The following ADARB1 variants were observed in gnomAD, a reference collection of about 807,000 sequenced individuals.
ADARB1 encodes adenosine deaminase RNA specific B1.
ADARB1 carries 10 observed loss-of-function variants against 52.4 expected under a neutral mutation model. The ratio of observed to expected loss-of-function variants is 0.19; its 90% CI spans 0.12 to 0.32. The LOEUF is 0.32. Among genes scored for constraint, ADARB1 ranks in the 10% least tolerant of loss-of-function variants. The probability of loss-of-function intolerance (pLI) is 1.00; values close to 1 mark genes in which losing one functional copy is unlikely to be tolerated. For missense variants in ADARB1, 643 were observed against 922.3 expected (o/e 0.70, Z 3.92); for synonymous variants, 349 against 371.1 (o/e 0.94, Z 0.68).
In ADARB1 at chr21:45,225,806, C is replaced by T; in HGVS notation, c.*3609C>T. On this transcript the variant is annotated 3_prime_UTR_variant, in exon 11 of 11. Transcript: ENST00000348831. Reference sequence around the variant, plus strand: ...TGCTCAAAAGATTCCTTTTTATCATCCCCACGCTGTGTAAGTGGAAAGGGC... The same window carrying T: ...TGCTCAAAAGATTCCTTTTTATCATTCCCACGCTGTGTAAGTGGAAAGGGC... 2.6e-6 allele frequency: 1 copy of T among 382,896 alleles called. No individual in the cohort carries two copies. The highest frequency in any genetic ancestry group is 4.6e-6 in the Non-Finnish European group (1 of 216,718). The allele number at this position is 382,896 out of a possible 1,614,324, so 23.7% of individuals were successfully genotyped here.
At chr21:45,124,769 GT>G (rs1413381633) in intron 1 of ADARB1, among the ~76,000 whole-genome samples, 2,741 of 148,250 alleles carry the variant, frequency 0.018, 94 homozygotes, top group African/African-American at 0.065. Context: ...TTTAAATGGT[GT>G]GTGTGTGTGT....
intron 5 of ADARB1, among the ~76,000 whole-genome samples, chr21:45,182,347 G>A (rs2091959384): frequency 6.6e-6 from 1 of 152,196 alleles, no homozygotes; most frequent in South Asian, 2.1e-4. Context: ...ACTAAGCAAT[G>A]ACGATGGTTG....
chr21:45,223,451 A>G lies in ADARB1; in HGVS notation c.*1254A>G. The G allele has an allele frequency of 1.0e-6, 1 of 985,602 alleles. No homozygotes were observed. Among genetic ancestry groups the G allele is most frequent in the Non-Finnish European group, 1.2e-6 (1 of 830,120 alleles). The allele number at this position is 985,602 out of a possible 1,614,324, so 61.1% of individuals were successfully genotyped here. ...GGCGGGCGAGGGCCCTGTGTGGACC[A>G]CCTCCACCAAGCTCAGAGATTTGCA... On this transcript the variant is annotated 3_prime_UTR_variant, in exon 11 of 11. Transcript: ENST00000348831.
At position 45,176,335 on chromosome 21, in the gene ADARB1, C is replaced by T; in HGVS notation, c.634C>T (p.Pro212Ser). Residue 212 changes from proline (P) to serine (S), a missense_variant, in exon 4 of 11, where the codon CCG becomes TCG. Physicochemically the swap from Pro to Ser is moderately conservative, Grantham distance 74. Coordinates refer to ENST00000348831, the MANE Select transcript of ADARB1 (RefSeq NM_001112.4). The surrounding 1 kb of genome is among the most constrained non-coding windows in gnomAD (Gnocchi z 5.8). ...SSGDLSLSAS[P>S]VPASLAQPPL... Reference sequence around the variant, plus strand: ...CGGGGACCTCAGCTTGTCTGCTTCCCCGGTGCCTGCCAGCCTAGCCCAGCC... The same window carrying T: ...CGGGGACCTCAGCTTGTCTGCTTCCTCGGTGCCTGCCAGCCTAGCCCAGCC... The T allele has an allele frequency of 6.2e-7, 1 of 1,614,076 alleles. No individual in the cohort carries two copies. The highest frequency in any genetic ancestry group is 8.5e-7 in the Non-Finnish European group (1 of 1,179,950).
At chr21:45,177,492 A>C (rs960969217) in intron 4 of ADARB1, 1 of 152,164 alleles carries the variant, frequency 6.6e-6, no homozygotes, top group Non-Finnish European at 1.5e-5. Context: ...GGAGAAAATC[A>C]CCTTTAGTTC....
chr21:45,183,131 G>A (rs1487166168), intron 6 of ADARB1, among the ~76,000 whole-genome samples: 13 of 152,104 alleles, frequency 8.5e-5, no homozygotes, highest in Non-Finnish European at 4.4e-5. Flanking sequence ...TTTGTATGTG[G>A]TCTTTCTGTT....
At chr21:45,216,230 G>A (rs7276288) in intron 9 of ADARB1, among the ~76,000 whole-genome samples, 8,276 of 151,984 alleles carry the variant, frequency 0.054, 270 homozygotes, top group African/African-American at 0.079. Flanking sequence ...CTAGCTGGAA[G>A]TTTTTCAATT....
In ADARB1 at chr21:45,143,312, C is replaced by T. The variant is rs190292347; in HGVS notation, c.-48+14739C>T. On this transcript the variant is annotated intron_variant, in intron 2 of 10. Transcript: ENST00000348831. ...TCTTCTCTCAGGCATCTATAGACCT[C>T]CACAACTTAAGACATCCAAATTCTC... 3.8e-4 allele frequency among the ~76,000 whole-genome samples: 58 copies of T among 152,330 alleles called. No homozygotes were observed. In the Middle Eastern group the frequency reaches 0.014, roughly 36 times the overall value.
At chr21:45,216,035 T>G (rs2092856068) in intron 9 of ADARB1, among the ~76,000 whole-genome samples, 1 of 152,200 alleles carries the variant, frequency 6.6e-6, no homozygotes, top group East Asian at 1.9e-4. Flanking sequence ...TTTTATCTTT[T>G]TTCTTGAGTA....
intron 1 of ADARB1, among the ~76,000 whole-genome samples, chr21:45,105,398 G>T (rs1212935470): frequency 6.6e-6 from 1 of 152,094 alleles, no homozygotes; most frequent in Non-Finnish European, 1.5e-5. Flanking sequence ...CACTGCACCC[G>T]GCCTGCTTCT....
chr21:45,199,727 C>T (rs1169271898), intron 8 of ADARB1, among the ~76,000 whole-genome samples: 1 of 152,206 alleles, frequency 6.6e-6, no homozygotes, highest in Non-Finnish European at 1.5e-5. Context: ...CTATAACCCA[C>T]ATATTTGGAA....
chr21:45,144,783 C>G, intron 2 of ADARB1: 1 of 352,250 alleles, frequency 2.8e-6, no homozygotes, highest in Non-Finnish European at 5.7e-6. Flanking sequence ...TTTCCACTTG[C>G]TGGCACACAG....
chr21:45,133,935 C>T (rs1159209899), intron 2 of ADARB1, among the ~76,000 whole-genome samples: 5 of 75,804 alleles, frequency 6.6e-5, no homozygotes, highest in East Asian at 4.3e-4. Context: ...GTGCGCCCGA[C>T]GGGGGTGTGT....
chr21:45,176,380 C>G lies in ADARB1; in HGVS notation c.679C>G (p.Pro227Ala). 1 of 1,614,204 alleles carries G rather than the reference C, an allele frequency of 6.2e-7. No homozygotes were observed. Among genetic ancestry groups the G allele is most frequent in the Non-Finnish European group, 8.5e-7 (1 of 1,180,028 alleles). Residue 227 changes from proline to alanine, a missense_variant, in exon 4 of 11, where the codon CCA becomes GCA. Physicochemically the swap from Pro to Ala is conservative, Grantham distance 27. Transcript: ENST00000348831. This position sits in a 1 kb window ranked among gnomAD's most constrained non-coding sequence, Gnocchi z 5.8. ...CCAGCCTCCTCTCCCTGTCTTACCA[C>G]CATTCCCACCCCCGAGTGGGAAGAA... ...LAQPPLPVLP[P>A]FPPPSGKNPV...
chr21:45,155,189 C>T (rs947433024), intron 2 of ADARB1, among the ~76,000 whole-genome samples: 2 of 152,198 alleles, frequency 1.3e-5, no homozygotes, highest in Admixed American at 6.5e-5. Context: ...CTGGGCTCCC[C>T]CATGTTTCCA....
In ADARB1 at chr21:45,155,314, C is replaced by T. The variant is rs915390803; in HGVS notation, c.-47-16296C>T. 4.6e-5 allele frequency among the ~76,000 whole-genome samples: 7 copies of T among 152,224 alleles called. No homozygotes were observed. The East Asian group carries it at 1.4e-3, about 29-fold the overall frequency. Reference sequence around the variant, plus strand: ...AAGCCCTGGAACTCCTGACCTTCACCCTTCACAGAGTGAGCAGAGCCAGTT... The same window carrying T: ...AAGCCCTGGAACTCCTGACCTTCACTCTTCACAGAGTGAGCAGAGCCAGTT... On this transcript the variant is annotated intron_variant, in intron 2 of 10. Coordinates refer to ENST00000348831, the MANE Select transcript of ADARB1 (RefSeq NM_001112.4).
At chr21:45,216,019 A>T (rs567494861) in intron 9 of ADARB1, among the ~76,000 whole-genome samples, 1 of 152,242 alleles carries the variant, frequency 6.6e-6, no homozygotes, top group South Asian at 2.1e-4. Flanking sequence ...TATTCATGTT[A>T]TCTGTTTTTA....
At chr21:45,123,964 C>T (rs1389676952) in intron 1 of ADARB1, among the ~76,000 whole-genome samples, 1 of 152,126 alleles carries the variant, frequency 6.6e-6, no homozygotes, top group Non-Finnish European at 1.5e-5. Flanking sequence ...AGAATGCATC[C>T]CCAATCAATG....
At chr21:45,083,785 C>T (rs2086237702) in intron 1 of ADARB1, among the ~76,000 whole-genome samples, 1 of 152,222 alleles carries the variant, frequency 6.6e-6, no homozygotes, top group Non-Finnish European at 1.5e-5. Flanking sequence ...GCCACAACCT[C>T]CTGGGTTCAA....
Sources: gnomAD v4.1 joint callset for allele counts (sites outside exome capture counted in the v4.1 genomes callset) on GRCh38, gnomAD v4.1.1 for gene constraint, Gnocchi (gnomAD v3.1) non-coding constraint, MANE v1.5 for transcripts, NCBI Gene and HGNC (gene_info 2026-07-23, HGNC 2026-07-21) for gene names.